The following PRPH2 variants were observed in gnomAD, a reference collection of about 807,000 sequenced individuals.
The protein encoded by PRPH2 is peripherin 2, also known as peripherin-2.
In PRPH2, 17 loss-of-function variants were observed where a neutral mutation model predicts 31.3. The observed-to-expected ratio is 0.54, with a 90% CI of 0.37 to 0.81. The LOEUF is 0.81. PRPH2 is among the 40% of genes least tolerant of loss of function. PRPH2 has a pLI of 0.00. For missense variants in PRPH2, 430 were observed against 439.7 expected (o/e 0.98, Z 0.20); for synonymous variants, 165 against 184.4 (o/e 0.89, Z 0.85).
In PRPH2 at chr6:42,703,868, G is replaced by A. The variant is rs1007040051; in HGVS notation, c.828+497C>T. 2.0e-5 allele frequency among the ~76,000 whole-genome samples: 3 copies of A among 152,150 alleles called. No homozygotes were observed. The East Asian group carries it at 5.8e-4, about 29-fold the overall frequency. ...CTGTAAACCCAGACTTCGGGAGGCC[G>A]AGGCAGGCAGATCACGAGGTCAGGA... On this transcript the variant is annotated intron_variant, in intron 2 of 2. Coordinates refer to ENST00000230381, the MANE Select transcript of PRPH2 (RefSeq NM_000322.5).
At chr6:42,719,067 A>G (rs909531361) in intron 1 of PRPH2, among the ~76,000 whole-genome samples, 1 of 152,236 alleles carries the variant, frequency 6.6e-6, no homozygotes, top group Admixed American at 6.5e-5. Flanking sequence ...GACAGAGAGA[A>G]GCAAAATGCT....
intron 1 of PRPH2, among the ~76,000 whole-genome samples, chr6:42,712,534 G>A (rs1400835262): frequency 6.6e-6 from 1 of 152,112 alleles, no homozygotes; most frequent in Non-Finnish European, 1.5e-5. Context: ...AATGTGTTTG[G>A]GGGAGGGTAG....
intron 1 of PRPH2, among the ~76,000 whole-genome samples, chr6:42,717,310 C>A (rs549745305): frequency 8.6e-5 from 13 of 151,714 alleles, no homozygotes; most frequent in Non-Finnish European, 1.5e-4. Flanking sequence ...ATACCAGCTA[C>A]TTGGGAGGCT....
intron 2 of PRPH2, among the ~76,000 whole-genome samples, chr6:42,704,135 G>A (rs1230790485): frequency 6.7e-6 from 1 of 149,520 alleles, no homozygotes; most frequent in Non-Finnish European, 1.5e-5. Flanking sequence ...AAATTTAAGT[G>A]GTGGGAAAGA....
In PRPH2 at chr6:42,719,167, CT is replaced by C. The variant is rs10594241; in HGVS notation, c.581+2586del. Reference sequence around the variant, plus strand: ...CATGTACTTTCATTCAGTGGACTTCCTTTTTTTTTTTTTTTCTTTGAGATCG... The same window carrying C: ...CATGTACTTTCATTCAGTGGACTTCCTTTTTTTTTTTTTTCTTTGAGATCG... On this transcript the variant is annotated intron_variant, in intron 1 of 2. Transcript: ENST00000230381. 6.1e-3 allele frequency among the ~76,000 whole-genome samples: 880 copies of C among 144,836 alleles called. 4 individuals carry two copies. Among genetic ancestry groups the C allele is most frequent in the African/African-American group, 0.019 (753 of 39,202 alleles).
At chr6:42,714,134 A>G (rs1016152977) in intron 1 of PRPH2, among the ~76,000 whole-genome samples, 10 of 152,164 alleles carry the variant, frequency 6.6e-5, no homozygotes, top group African/African-American at 2.4e-4. Context: ...AAAATCTGAC[A>G]TGCCATATAA....
intron 1 of PRPH2, among the ~76,000 whole-genome samples, 173 bp from the exon 2 acceptor site, chr6:42,704,784 A>T (rs1187008680): frequency 6.6e-6 from 1 of 152,244 alleles, no homozygotes; most frequent in African/African-American, 2.4e-5. Context: ...GAAGACAAAA[A>T]AATGAATAAA....
rs182704478 is a variant in PRPH2, at chr6:42,714,670, C to T, written c.581+7084G>A. Among the ~76,000 whole-genome samples the T allele has an allele frequency of 3.3e-3, 500 of 152,248 alleles. 18 individuals carry two copies. The highest frequency in any genetic ancestry group is 0.03 in the Admixed American group (454 of 15,286). On this transcript the variant is annotated intron_variant, in intron 1 of 2. Transcript: ENST00000230381. Reference sequence around the variant, plus strand: ...TAGCTGAGACTATAGGCACACACCACCACACCTAGCTAATTTTTGTATTTT... The same window carrying T: ...TAGCTGAGACTATAGGCACACACCATCACACCTAGCTAATTTTTGTATTTT...
At chr6:42,711,554 C>T (rs908373547) in intron 1 of PRPH2, among the ~76,000 whole-genome samples, 16 of 95,216 alleles carry the variant, frequency 1.7e-4, no homozygotes, top group African/African-American at 5.1e-4. Context: ...CAGGGAGCCC[C>T]GGTCTGAGGG....
chr6:42,708,994 T>G (rs888964547), intron 1 of PRPH2, among the ~76,000 whole-genome samples: 1 of 152,050 alleles, frequency 6.6e-6, no homozygotes, highest in African/African-American at 2.4e-5. Flanking sequence ...GAGGAGCAAG[T>G]GGGGCCCAGA....
At chr6:42,716,087 C>T (rs1437598839) in intron 1 of PRPH2, among the ~76,000 whole-genome samples, 1 of 152,224 alleles carries the variant, frequency 6.6e-6, no homozygotes, top group Non-Finnish European at 1.5e-5. Context: ...AGACACCGCC[C>T]ATGCCCAGTC....
chr6:42,698,465 C>A lies in PRPH2; in HGVS notation c.871G>T (p.Asp291Tyr). 1 of 1,614,210 alleles carries A rather than the reference C, an allele frequency of 6.2e-7. No homozygotes were observed. Among genetic ancestry groups the A allele is most frequent in the African/African-American group, 1.3e-5 (1 of 75,050 alleles). ...GATTCCTCGGGGTTGGACACACCAT[C>A]CAGCGACGTCTGTAGGTAGCGCAGC... is the stretch of plus-strand genomic sequence containing the variant. ...IGLRYLQTSL[D>Y]GVSNPEESES... The change falls in exon 3 of 3, where the codon GAT becomes TAT. Residue 291 changes from aspartate to tyrosine, a missense_variant. Physicochemically the swap from Asp to Tyr is radical, Grantham distance 160. Transcript: ENST00000230381.
chr6:42,718,402 T>C (rs1349056430), intron 1 of PRPH2, among the ~76,000 whole-genome samples: 2 of 151,910 alleles, frequency 1.3e-5, no homozygotes, highest in Non-Finnish European at 2.9e-5. Flanking sequence ...CTGGAGGTGA[T>C]GGTTGCAGTG....
chr6:42,718,539 T>G (rs1267055443), intron 1 of PRPH2, among the ~76,000 whole-genome samples: 2 of 152,158 alleles, frequency 1.3e-5, no homozygotes, highest in Non-Finnish European at 2.9e-5. Context: ...AAGGTGGCCC[T>G]ATCAGACTGC....
intron 1 of PRPH2, among the ~76,000 whole-genome samples, chr6:42,706,594 AAAAG>A (rs1414611110): frequency 2.8e-4 from 35 of 123,508 alleles, no homozygotes; most frequent in African/African-American, 5.9e-4. Flanking sequence ...AAACAAAAAA[AAAAG>A]AAAGAAAGGA....
intron 1 of PRPH2, among the ~76,000 whole-genome samples, chr6:42,711,647 C>T (rs1317602494): frequency 6.6e-6 from 1 of 152,222 alleles, no homozygotes; most frequent in Non-Finnish European, 1.5e-5. Flanking sequence ...GAAGGGGAGA[C>T]ACAGCTCTCT....
intron 1 of PRPH2, among the ~76,000 whole-genome samples, chr6:42,712,995 T>A (rs1761701264): frequency 6.6e-6 from 1 of 151,222 alleles, no homozygotes; most frequent in South Asian, 2.1e-4. Context: ...GAGGCCAAGG[T>A]GGGTGGATCA....
At chr6:42,712,726 C>CT (rs202058611) in intron 1 of PRPH2, among the ~76,000 whole-genome samples, 66 of 146,304 alleles carry the variant, frequency 4.5e-4, no homozygotes, top group South Asian at 6.6e-4. Flanking sequence ...CTGTTTTTTC[C>CT]TTTTTTTTTT....
intron 1 of PRPH2, among the ~76,000 whole-genome samples, chr6:42,719,144 T>C (rs1409085723): frequency 6.6e-6 from 1 of 151,372 alleles, no homozygotes; most frequent in African/African-American, 2.4e-5. Flanking sequence ...TGCCTAAGCA[T>C]GTACTTTCAT....
Sources: gnomAD v4.1 joint callset for allele counts (sites outside exome capture counted in the v4.1 genomes callset) on GRCh38, gnomAD v4.1.1 for gene constraint, MANE v1.5 for transcripts, NCBI Gene and HGNC (gene_info 2026-07-23, HGNC 2026-07-21) for gene names.